The following SLC4A4 variants were observed in gnomAD, a reference collection of about 807,000 sequenced individuals.
The protein encoded by SLC4A4 is electrogenic sodium bicarbonate cotransporter 1.
Under a neutral mutation model 111.5 loss-of-function variants are expected in SLC4A4, and 27 were observed. The ratio of observed to expected loss-of-function variants is 0.24; its 90% CI spans 0.18 to 0.33. The LOEUF is 0.33. Ranked by LOEUF, SLC4A4 falls within the 10% of genes least tolerant of loss-of-function variation. The probability of loss-of-function intolerance (pLI) is 1.00; values close to 1 mark genes in which losing one functional copy is unlikely to be tolerated. For missense variants in SLC4A4, 909 were observed against 1,315.5 expected (o/e 0.69, Z 4.78); for synonymous variants, 443 against 463.4 (o/e 0.96, Z 0.57).
At chr4:71,139,511 C>A (rs1483321560) in intron 2 of SLC4A4, among the ~76,000 whole-genome samples, 2 of 152,088 alleles carry the variant, frequency 1.3e-5, no homozygotes, top group African/African-American at 4.8e-5. Flanking sequence ...GAAATACTTC[C>A]GACCCTGTGG....
intron 1 of SLC4A4, among the ~76,000 whole-genome samples, chr4:71,219,422 CCTA>C (rs879707327): frequency 2.6e-5 from 4 of 152,112 alleles, no homozygotes; most frequent in Non-Finnish European, 1.5e-5. Context: ...ACCGTTGAGA[CCTA>C]CTTTCAAAAT....
At chr4:71,336,650 T>C (rs997530441) in intron 3 of SLC4A4, among the ~76,000 whole-genome samples, 4 of 152,220 alleles carry the variant, frequency 2.6e-5, no homozygotes, top group Non-Finnish European at 4.4e-5. Flanking sequence ...TTATCCTGTG[T>C]GCTTTCCATG....
chr4:71,196,517 G>C (rs1046129090), intron 1 of SLC4A4, among the ~76,000 whole-genome samples: 13 of 152,148 alleles, frequency 8.5e-5, no homozygotes, highest in African/African-American at 3.1e-4. Flanking sequence ...ACCTTAGGCA[G>C]TGAATTCTGC....
At chr4:71,452,951 C>T (rs897682725) in intron 11 of SLC4A4, among the ~76,000 whole-genome samples, 3 of 152,126 alleles carry the variant, frequency 2.0e-5, no homozygotes, top group Non-Finnish European at 4.4e-5. Context: ...TTGTCTGCCT[C>T]CTTTTCATCC....
At chr4:71,246,597 T>C (rs950989508) in intron 2 of SLC4A4, among the ~76,000 whole-genome samples, 1 of 152,178 alleles carries the variant, frequency 6.6e-6, no homozygotes, top group Admixed American at 6.5e-5. Flanking sequence ...ATTGTCATAT[T>C]TTGGAGCAGT....
intron 2 of SLC4A4, among the ~76,000 whole-genome samples, chr4:71,096,318 C>T (rs148160161): frequency 3.2e-4 from 48 of 151,972 alleles, no homozygotes; most frequent in Admixed American, 1.2e-3. Flanking sequence ...GTAACCCAGA[C>T]GGTATGTATA....
chr4:71,411,323 C>T (rs1721342129), intron 7 of SLC4A4, among the ~76,000 whole-genome samples: 1 of 152,126 alleles, frequency 6.6e-6, no homozygotes, highest in Admixed American at 6.5e-5. Context: ...CATTATTTCT[C>T]TGTAAATGTC....
chr4:71,467,084 A>G (rs1236604762), intron 13 of SLC4A4, among the ~76,000 whole-genome samples: 1 of 151,826 alleles, frequency 6.6e-6, no homozygotes. Context: ...TGGCTCATCC[A>G]CCTTGACTCT....
rs183166855 is a variant in SLC4A4 at position 71,501,866 on chromosome 4, A to G, written c.2166+4174A>G. Among the ~76,000 whole-genome samples the G allele has an allele frequency of 2.2e-3, 340 of 152,192 alleles. 1 individual carries two copies. Among genetic ancestry groups the G allele is most frequent in the Middle Eastern group, 0.01 (3 of 294 alleles). On this transcript the variant is annotated intron_variant, in intron 16 of 25. Coordinates refer to ENST00000264485, the MANE Select transcript of SLC4A4 (RefSeq NM_001098484.3). ...TTTTTAGTAGAGATGGGGTTTCACC[A>G]TAATAGCCAGATGGTCTCGATCTCC...
intron 3 of SLC4A4, among the ~76,000 whole-genome samples, chr4:71,312,611 G>A (rs1726293917): frequency 6.6e-6 from 1 of 152,130 alleles, no homozygotes; most frequent in Non-Finnish European, 1.5e-5. Context: ...TGCAAGGCTG[G>A]TTCAACATAT....
chr4:71,357,144 G>C lies in SLC4A4; in HGVS notation c.687G>C (p.Lys229Asn). Residue 229 changes from lysine to asparagine, a missense_variant, in exon 6 of 26, where the codon AAG becomes AAC. Transcript: ENST00000264485. ...TTCGGTCCCTGGCTGACATTGGGAA[G>C]ACAGTCTCCAGTGCAAGTAGGATGT... is the stretch of plus-strand genomic sequence containing the variant. ...SNLRSLADIG[K>N]TVSSASRMFT... The C allele has an allele frequency of 6.2e-7, 1 of 1,614,190 alleles. No homozygotes were observed. Among genetic ancestry groups the C allele is most frequent in the South Asian group, 1.1e-5 (1 of 91,080 alleles).
rs550796889 is a variant in SLC4A4 at position 71,097,691 on chromosome 4, T to A, written c.-2+4899T>A. ...CCGCAATTTCATCAGCGTCTGTTAT[T>A]TTTTTGACTTTTTAATAATAACCAT... On this transcript the variant is annotated intron_variant, in intron 2 of 26. Transcript: ENST00000649996. 4.3e-4 allele frequency among the ~76,000 whole-genome samples: 65 copies of A among 152,286 alleles called. 1 individual carries two copies. Among genetic ancestry groups the A allele is most frequent in the African/African-American group, 1.5e-3 (64 of 41,570 alleles).
intron 3 of SLC4A4, chr4:71,300,770 G>A: frequency 2.8e-6 from 1 of 362,610 alleles, no homozygotes; most frequent in Non-Finnish European, 5.5e-6. Context: ...CCATCTGGTG[G>A]ATAGCAGACC....
intron 18 of SLC4A4, among the ~76,000 whole-genome samples, chr4:71,537,691 C>T (rs1257607506): frequency 1.3e-5 from 2 of 151,490 alleles, no homozygotes; most frequent in African/African-American, 2.4e-5. Flanking sequence ...TTCCCACTAT[C>T]TTTCTCTGTG....
rs79412866 is a variant in SLC4A4 at position 71,558,613 on chromosome 4, C to T, written c.2937+728C>T. 2.5e-3 allele frequency among the ~76,000 whole-genome samples: 377 copies of T among 152,072 alleles called. 2 individuals carry two copies. The highest frequency in any genetic ancestry group is 8.5e-3 in the African/African-American group (353 of 41,550). ...GCATATATGTACACTTAAAACAAGTCACAAAGGGAGCCTCAAATCTGTTTT... is the reference window on the plus strand; with the variant it reads ...GCATATATGTACACTTAAAACAAGTTACAAAGGGAGCCTCAAATCTGTTTT... On this transcript the variant is annotated intron_variant, in intron 22 of 25. Transcript: ENST00000264485.
chr4:71,258,319 T>A (rs1161445458), intron 3 of SLC4A4, among the ~76,000 whole-genome samples: 1 of 152,226 alleles, frequency 6.6e-6, no homozygotes, highest in East Asian at 1.9e-4. Flanking sequence ...TTCTGGCTTT[T>A]AAATTTTACC....
intron 6 of SLC4A4, among the ~76,000 whole-genome samples, chr4:71,392,342 T>C (rs1158538145): frequency 1.3e-5 from 2 of 152,120 alleles, no homozygotes; most frequent in African/African-American, 2.4e-5. Flanking sequence ...TGAGGTATGA[T>C]AGTTTAGAGC....
rs765297615 is a variant in SLC4A4 at position 71,236,604 on chromosome 4, G to A, written c.28G>A (p.Gly10Arg). The A allele has an allele frequency of 1.2e-6, 2 of 1,613,888 alleles. No homozygotes were observed. The highest frequency in any genetic ancestry group is 1.3e-5 in the African/African-American group (1 of 75,054). MEDEAVLDR[G>R]ASFLKHVCDE... The stretch of plus-strand genomic sequence containing the variant: ...GGAGGATGAAGCTGTCCTGGACAGA[G>A]GGGCTTCCTTCCTCAAGCATGTGTG... Residue 10 changes from glycine to arginine, a missense_variant, in exon 2 of 26, where the codon GGG becomes AGG. Coordinates refer to ENST00000264485, the MANE Select transcript of SLC4A4 (RefSeq NM_001098484.3).
At chr4:71,534,156 G>A (rs775864320) in intron 17 of SLC4A4, 71 bp from the exon 18 acceptor site, 23 of 1,289,828 alleles carry the variant, frequency 1.8e-5, no homozygotes, top group South Asian at 3.6e-5. Flanking sequence ...ATGTCTTCCC[G>A]TTGGTTTTTT....
Sources: gnomAD v4.1 joint callset for allele counts (sites outside exome capture counted in the v4.1 genomes callset) on GRCh38, gnomAD v4.1.1 for gene constraint, MANE v1.5 for transcripts, NCBI Gene and HGNC (gene_info 2026-07-23, HGNC 2026-07-21) for gene names.